The following PDE10A variants were observed in gnomAD, a reference collection of about 807,000 sequenced individuals.
PDE10A encodes phosphodiesterase 10A.
PDE10A carries 39 observed loss-of-function variants against 97.7 expected under a neutral mutation model. The observed-to-expected ratio is 0.40, with a 90% confidence interval of 0.31 to 0.52. PDE10A has a LOEUF of 0.52. PDE10A is among the 20% of genes least tolerant of loss of function. The pLI, the probability that PDE10A is intolerant of heterozygous loss-of-function variation, is 0.56. For synonymous variants in PDE10A, 371 were observed against 376.8 expected (o/e 0.98, Z 0.18); for missense variants, 731 against 1,047.8 (o/e 0.70, Z 4.17).
At chr6:165,444,017 C>G (rs981405843) in intron 5 of PDE10A, among the ~76,000 whole-genome samples, 1 of 152,174 alleles carries the variant, frequency 6.6e-6, no homozygotes, top group African/African-American at 2.4e-5. Context: ...TTCTACAACA[C>G]GGTCAGGCTA....
chr6:165,817,873 C>T (rs987194952), intron 1 of PDE10A, among the ~76,000 whole-genome samples: 5 of 152,176 alleles, frequency 3.3e-5, no homozygotes, highest in African/African-American at 9.7e-5. Context: ...TTCTTAAGTG[C>T]GGTAGAATGT....
intron 1 of PDE10A, among the ~76,000 whole-genome samples, chr6:165,793,000 C>T (rs1480616178): frequency 2.6e-5 from 4 of 152,084 alleles, no homozygotes; most frequent in Non-Finnish European, 5.9e-5. Flanking sequence ...CCTTCAGTCC[C>T]CTTAAGAATT....
intron 1 of PDE10A, among the ~76,000 whole-genome samples, chr6:165,564,391 T>A (rs973726589): frequency 6.6e-6 from 1 of 152,162 alleles, no homozygotes; most frequent in Non-Finnish European, 1.5e-5. Context: ...TAAGACCCGT[T>A]TTGACAATCT....
chr6:165,892,332 T>C (rs1404780838), intron 1 of PDE10A, among the ~76,000 whole-genome samples: 3 of 152,176 alleles, frequency 2.0e-5, no homozygotes, highest in African/African-American at 4.8e-5. Context: ...TCCCCCCTCT[T>C]CATTCCCCAG....
chr6:165,757,565 A>G (rs1793145334), intron 1 of PDE10A, among the ~76,000 whole-genome samples: 1 of 152,096 alleles, frequency 6.6e-6, no homozygotes, highest in African/African-American at 2.4e-5. Flanking sequence ...GGTACGGCAT[A>G]AGGTATTGAT....
chr6:165,609,848 T>G (rs922869892), intron 1 of PDE10A, among the ~76,000 whole-genome samples: 10 of 152,148 alleles, frequency 6.6e-5, no homozygotes, highest in African/African-American at 2.4e-4. Context: ...ACTGCTCAAC[T>G]AAATAAAAGA....
At chr6:165,419,774 C>T (rs1012247168) in intron 10 of PDE10A, among the ~76,000 whole-genome samples, 74 of 152,070 alleles carry the variant, frequency 4.9e-4, no homozygotes, top group African/African-American at 1.7e-3. Context: ...AATTATTCCT[C>T]GGAGAAAAAG....
intron 18 of PDE10A, among the ~76,000 whole-genome samples, chr6:165,372,825 A>G (rs1784352823): frequency 6.7e-6 from 1 of 148,354 alleles, no homozygotes; most frequent in African/African-American, 2.5e-5. Context: ...CTGACTTCAA[A>G]GTATACTACA....
At chr6:165,433,249 G>A in intron 6 of PDE10A, 120 bp from the exon 7 acceptor site, 1 of 677,576 alleles carries the variant, frequency 1.5e-6, no homozygotes, top group Admixed American at 3.3e-5. Flanking sequence ...ACTTTTCAAA[G>A]GAAAACTAAA....
At position 165,332,975 on chromosome 6, in the gene PDE10A, A is replaced by G; in HGVS notation, c.*50T>C. On this transcript the variant is annotated 3_prime_UTR_variant, in exon 22 of 22. Transcript: ENST00000539869. ...CAAAAAAAGGAAAAGAATGTCAAAG[A>G]AGCAAGATGAGGATCTGTAGGTGGG... is the stretch of plus-strand genomic sequence containing the variant. The G allele has an allele frequency of 1.5e-6, 1 of 682,620 alleles. No homozygotes were observed. The highest frequency in any genetic ancestry group is 1.9e-5 in the African/African-American group (1 of 53,660). 42.3% of individuals were successfully genotyped at this position (682,620 alleles called of 1,614,324 possible).
intron 13 of PDE10A, among the ~76,000 whole-genome samples, chr6:165,398,304 C>T (rs1372600221): frequency 1.3e-5 from 2 of 152,064 alleles, no homozygotes; most frequent in East Asian, 1.9e-4. Flanking sequence ...CATGGCGAAA[C>T]CCTGTCTCTA....
intron 2 of PDE10A, among the ~76,000 whole-genome samples, chr6:165,530,537 T>C (rs150984243): frequency 6.6e-6 from 1 of 152,246 alleles, no homozygotes; most frequent in Non-Finnish European, 1.5e-5. Context: ...CTATGCTCAC[T>C]ACCTGGGTGA....
intron 1 of PDE10A, among the ~76,000 whole-genome samples, chr6:165,933,839 C>A (rs191610191): frequency 6.6e-5 from 10 of 152,098 alleles, no homozygotes; most frequent in Middle Eastern, 3.2e-3. Flanking sequence ...CAAGTGTAGC[C>A]GGGAGCAGGT....
At chr6:165,598,760 T>C (rs1284893829) in intron 1 of PDE10A, among the ~76,000 whole-genome samples, 6 of 152,184 alleles carry the variant, frequency 3.9e-5, no homozygotes, top group African/African-American at 1.4e-4. Context: ...AAAAAATCCA[T>C]TACTCTTATA....
intron 1 of PDE10A, among the ~76,000 whole-genome samples, chr6:165,639,999 G>A (rs150835614): frequency 0.01 from 1,527 of 151,510 alleles, 28 homozygotes; most frequent in African/African-American, 0.035. Context: ...GAGCCCAGGA[G>A]GTTGAGGCTG....
intron 1 of PDE10A, among the ~76,000 whole-genome samples, chr6:165,881,392 C>CTTTT (rs68159417): frequency 1.1e-4 from 12 of 107,028 alleles, no homozygotes; most frequent in African/African-American, 2.0e-4. Flanking sequence ...TTTTTCTTTT[C>CTTTT]TTTTTTTTTT....
chr6:165,493,400 C>A (rs1351932124), intron 2 of PDE10A, among the ~76,000 whole-genome samples: 1 of 152,070 alleles, frequency 6.6e-6, no homozygotes, highest in Non-Finnish European at 1.5e-5. Flanking sequence ...GCAAAAAGAA[C>A]AAATCCGGAG....
intron 1 of PDE10A, among the ~76,000 whole-genome samples, chr6:165,586,419 CA>C (rs1277531024): frequency 6.6e-6 from 1 of 152,086 alleles, no homozygotes; most frequent in Non-Finnish European, 1.5e-5. Flanking sequence ...CCCACTATGC[CA>C]CAAAATATGA....
intron 13 of PDE10A, among the ~76,000 whole-genome samples, chr6:165,404,673 GA>G (rs1013505063): frequency 1.3e-5 from 2 of 151,620 alleles, no homozygotes; most frequent in African/African-American, 2.4e-5. Context: ...ACGATGACCT[GA>G]AAAAAAATCT....
Sources: gnomAD v4.1 joint callset for allele counts (sites outside exome capture counted in the v4.1 genomes callset) on GRCh38, gnomAD v4.1.1 for gene constraint, MANE v1.5 for transcripts, NCBI Gene and HGNC (gene_info 2026-07-23, HGNC 2026-07-21) for gene names.